The following TUBB6 variants were observed in gnomAD, a reference collection of about 807,000 sequenced individuals.
TUBB6 encodes the protein tubulin beta 6 class V, also known as tubulin beta-6 chain.
In TUBB6, 18 loss-of-function variants were observed where a neutral mutation model predicts 32.3. That is an observed-to-expected ratio of 0.56 (90% CI 0.39 to 0.83). The LOEUF (loss-of-function observed/expected upper bound fraction) is 0.83, where lower values mean the gene tolerates loss of function less well. TUBB6 is among the 40% of genes least tolerant of loss of function. The probability of loss-of-function intolerance (pLI) is 0.00; values close to 1 mark genes in which losing one functional copy is unlikely to be tolerated. For missense variants in TUBB6, 480 were observed against 632.0 expected (o/e 0.76, Z 2.58); for synonymous variants, 280 against 265.8 (o/e 1.05, Z -0.52).
chr18:12,325,518 G>A lies in TUBB6; in HGVS notation c.729G>A (p.Pro243=), dbSNP rs756946980. The change falls in exon 4 of 4, where the codon CCG becomes CCA. Residue 243 remains proline, a synonymous_variant. Transcript: ENST00000317702. ...MSGVTTSLRF[P]GQLNADLRKL... ...GGGTCACCACCTCGCTGCGCTTCCC[G>A]GGCCAGCTCAATGCTGACCTGCGCA... 4.3e-6 allele frequency: 7 copies of A among 1,614,190 alleles called. No individual in the cohort carries two copies. The highest frequency in any genetic ancestry group is 1.1e-5 in the South Asian group (1 of 91,086).
intron 3 of TUBB6, among the ~76,000 whole-genome samples, chr18:12,315,457 C>T (rs933297626): frequency 2.6e-5 from 4 of 152,172 alleles, no homozygotes; most frequent in Admixed American, 1.3e-4. Context: ...TGTCTGAGAG[C>T]GTAGTTTTTG....
chr18:12,327,627 T>G (rs1005779262), downstream of TUBB6, among the ~76,000 whole-genome samples: 3 of 152,162 alleles, frequency 2.0e-5, no homozygotes, highest in Admixed American at 6.5e-5. Context: ...CGTGGAAAGA[T>G]CTATGCATGA....
intron 3 of TUBB6, among the ~76,000 whole-genome samples, chr18:12,312,912 T>G (rs902285004): frequency 5.5e-5 from 8 of 146,324 alleles, no homozygotes; most frequent in African/African-American, 2.1e-4. Flanking sequence ...GGCAGGAGAA[T>G]CACTTGAACC....
chr18:12,311,453 C>T (rs1384836874), intron 3 of TUBB6, among the ~76,000 whole-genome samples: 4 of 152,034 alleles, frequency 2.6e-5, no homozygotes, highest in African/African-American at 7.2e-5. Flanking sequence ...AAAAATTAGC[C>T]GGGCATGGTG....
downstream of TUBB6, chr18:12,329,670 A>G (rs1907454506): frequency 6.2e-7 from 1 of 1,614,094 alleles, no homozygotes; most frequent in African/African-American, 1.3e-5. Context: ...CCAAGCTGCC[A>G]GTGCCTTCCA....
rs1166863435 is a variant in TUBB6 at position 12,325,783 on chromosome 18, G to A, written c.994G>A (p.Ala332Thr). Reference sequence around the variant, plus strand: ...GAAGGAGGTGGACGAGCAGATGCTGGCCATCCAGAGTAAGAACAGCAGCTA... The same window carrying A: ...GAAGGAGGTGGACGAGCAGATGCTGACCATCCAGAGTAAGAACAGCAGCTA... ...SMKEVDEQML[A>T]IQSKNSSYFV... The change falls in exon 4 of 4, where the codon GCC becomes ACC. Residue 332 changes from alanine to threonine, a missense_variant. By Grantham distance (58) the Ala-to-Thr change is moderately conservative. Coordinates refer to ENST00000317702, the MANE Select transcript of TUBB6 (RefSeq NM_032525.3). 2.5e-6 allele frequency: 4 copies of A among 1,614,112 alleles called. No homozygotes were observed. Among genetic ancestry groups the A allele is most frequent in the Admixed American group, 1.7e-5 (1 of 60,010 alleles).
chr18:12,321,239 C>A (rs1474824961), intron 3 of TUBB6, among the ~76,000 whole-genome samples: 1 of 152,214 alleles, frequency 6.6e-6, no homozygotes, highest in African/African-American at 2.4e-5. Context: ...CCAGTACATA[C>A]ATTTTAACAT....
In TUBB6 at chr18:12,326,240, T is replaced by C; in HGVS notation, c.*110T>C. The C allele has an allele frequency of 7.0e-7, 1 of 1,428,336 alleles. No individual in the cohort carries two copies. The highest frequency in any genetic ancestry group is 9.2e-7 in the Non-Finnish European group (1 of 1,082,134). The allele number at this position is 1,428,336 out of a possible 1,614,324, so 88.5% of individuals were successfully genotyped here. A position where few individuals can be genotyped will look rare whatever the true frequency, so the allele number is the denominator to read the frequency against. On this transcript the variant is annotated 3_prime_UTR_variant, in exon 4 of 4. Coordinates refer to ENST00000317702, the MANE Select transcript of TUBB6 (RefSeq NM_032525.3). ...TGGTGCACTGGTTTAATTGTGTTGGTGTCGGCCCCTCACAAATGCAGCCAA... is the reference window on the plus strand; with the variant it reads ...TGGTGCACTGGTTTAATTGTGTTGGCGTCGGCCCCTCACAAATGCAGCCAA...
In TUBB6 at chr18:12,325,058, T is replaced by A; in HGVS notation, c.278-9T>A. On this transcript the variant is annotated splice_polypyrimidine_tract_variant and intron_variant, in intron 3 of 3. Coordinates refer to ENST00000317702, the MANE Select transcript of TUBB6 (RefSeq NM_032525.3). The stretch of plus-strand genomic sequence containing the variant: ...CTGTTTAAACGGCACGGGACTCTCT[T>A]TGTTGCAGGCCAGACGGGTGCAGGG... The A allele has an allele frequency of 6.4e-7, 1 of 1,557,894 alleles. No individual in the cohort carries two copies. Among genetic ancestry groups the A allele is most frequent in the Non-Finnish European group, 8.7e-7 (1 of 1,149,138 alleles).
chr18:12,308,353 G>C lies in TUBB6; in HGVS notation c.57+4G>C. 6.8e-7 allele frequency: 1 copy of C among 1,468,502 alleles called. No individual in the cohort carries two copies. The highest frequency in any genetic ancestry group is 9.0e-7 in the Non-Finnish European group (1 of 1,105,468). The allele number at this position is 1,468,502 out of a possible 1,614,324, so 91.0% of individuals were successfully genotyped here. A position where few individuals can be genotyped will look rare whatever the true frequency, so the allele number is the denominator to read the frequency against. On this transcript the variant is annotated splice_donor_region_variant and intron_variant, in intron 1 of 3. Transcript: ENST00000317702. The stretch of plus-strand genomic sequence containing the variant: ...CGGGAACCAGATCGGCACCAAGGTG[G>C]GCCTGGCGCGGTGCAGGGCCTCTCC...
At chr18:12,327,297 C>T (rs1907370971), downstream of TUBB6, among the ~76,000 whole-genome samples, 1 of 152,174 alleles carries the variant, frequency 6.6e-6, no homozygotes, top group Non-Finnish European at 1.5e-5. Context: ...TGGGCAGAGC[C>T]CACTCTGACC....
chr18:12,326,633 C>A, downstream of TUBB6: 1 of 160,752 alleles, frequency 6.2e-6, no homozygotes, highest in Non-Finnish European at 1.4e-5. Flanking sequence ...CTACTTGGGT[C>A]ACTGGTCTCT....
rs772878446 is a variant in TUBB6 at position 12,325,734 on chromosome 18, C to T, written c.945C>T (p.Thr315=). ...ATGGCCGCTACCTGACCGTGGCCACCGTGTTCCGCGGGCCCATGTCCATGA... is the reference window on the plus strand; with the variant it reads ...ATGGCCGCTACCTGACCGTGGCCACTGTGTTCCGCGGGCCCATGTCCATGA... ...PRHGRYLTVA[T]VFRGPMSMKE... Residue 315 remains threonine (T), a synonymous_variant, in exon 4 of 4, where the codon ACC becomes ACT. Coordinates refer to ENST00000317702, the MANE Select transcript of TUBB6 (RefSeq NM_032525.3). 1.9e-6 allele frequency: 3 copies of T among 1,614,108 alleles called. No individual in the cohort carries two copies. Among genetic ancestry groups the T allele is most frequent in the African/African-American group, 1.3e-5 (1 of 74,958 alleles).
intron 3 of TUBB6, among the ~76,000 whole-genome samples, chr18:12,323,542 T>C (rs1907096139): frequency 6.6e-6 from 1 of 152,174 alleles, no homozygotes; most frequent in South Asian, 2.1e-4. Context: ...GCCCGGTGGC[T>C]CACACCTGTA....
chr18:12,317,153 CA>C (rs773323455), intron 3 of TUBB6, among the ~76,000 whole-genome samples: 2,415 of 66,366 alleles, frequency 0.036, 43 homozygotes, highest in African/African-American at 0.098. Context: ...GAGACCCTGT[CA>C]AAAAAAAAAA....
intron 3 of TUBB6, chr18:12,324,851 A>G (rs1907185695): frequency 7.2e-7 from 1 of 1,384,874 alleles, no homozygotes; most frequent in Non-Finnish European, 9.3e-7. Context: ...AAATGTATAT[A>G]CATCTTTAAA....
chr18:12,309,397 TTCCC>T (rs764770211), intron 2 of TUBB6, among the ~76,000 whole-genome samples: 19 of 13,306 alleles, frequency 1.4e-3, no homozygotes, highest in South Asian at 4.2e-3. Context: ...AAAACAAAGC[TTCCC>T]CCCCCCCCCC....
Position 12,312,449 on chromosome 18 carries a change from T to C in TUBB6, c.277+1396T>C, listed in dbSNP as rs150254893. 6.4e-3 allele frequency among the ~76,000 whole-genome samples: 979 copies of C among 152,288 alleles called. 6 individuals carry two copies. Among genetic ancestry groups the C allele is most frequent in the South Asian group, 8.3e-3 (40 of 4,822 alleles). ...CACTCACTATGTGGCCTTAGACTTA[T>C]TTAACTTACTTGTGACTTAATTTCC... On this transcript the variant is annotated intron_variant, in intron 3 of 3. Transcript: ENST00000317702.
At position 12,324,326 on chromosome 18, in the gene TUBB6, C is replaced by T. The variant is rs1907147332; in HGVS notation, c.278-741C>T. Among the ~76,000 whole-genome samples, 3 of 151,912 alleles carry T rather than the reference C, an allele frequency of 2.0e-5. No individual in the cohort carries two copies. The South Asian group carries it at 6.2e-4, about 32-fold the overall frequency. On this transcript the variant is annotated intron_variant, in intron 3 of 3. Coordinates refer to ENST00000317702, the MANE Select transcript of TUBB6 (RefSeq NM_032525.3). ...CGGAGCTTGCAATGAGCCGAGATTGCGCCACTGCACTCCAGCCTGGGCGAC... is the reference window on the plus strand; with the variant it reads ...CGGAGCTTGCAATGAGCCGAGATTGTGCCACTGCACTCCAGCCTGGGCGAC...
Sources: gnomAD v4.1 joint callset for allele counts (sites outside exome capture counted in the v4.1 genomes callset) on GRCh38, gnomAD v4.1.1 for gene constraint, MANE v1.5 for transcripts, NCBI Gene and HGNC (gene_info 2026-07-23, HGNC 2026-07-21) for gene names.